The following MAF variants were observed in gnomAD, a reference collection of about 807,000 sequenced individuals.
MAF encodes transcription factor Maf.
Under a neutral mutation model 22.0 loss-of-function variants are expected in MAF, and 10 were observed. That is an observed-to-expected ratio of 0.45 (90% confidence interval 0.28 to 0.77). MAF has a LOEUF of 0.77. MAF is among the 30% of genes least tolerant of loss of function. The pLI, the probability that MAF is intolerant of heterozygous loss-of-function variation, is 0.12. For missense variants in MAF, 544 were observed against 548.4 expected, an observed-to-expected ratio of 0.99 and a Z score of 0.08; for synonymous variants, 337 against 255.8, an observed-to-expected ratio of 1.32 and a Z score of -3.03.
the MAF span, among the ~76,000 whole-genome samples, chr16:79,547,638 T>G: frequency 6.6e-6 from 1 of 152,350 alleles, no homozygotes; most frequent in Non-Finnish European, 1.5e-5. Context: ...CTGGAATTGA[T>G]GTAACCCAAT....
chr16:79,415,875 C>T, the MAF span, among the ~76,000 whole-genome samples: 1 of 151,966 alleles, frequency 6.6e-6, no homozygotes, highest in Non-Finnish European at 1.5e-5. Flanking sequence ...ATCTCAGCTT[C>T]CCTCTTCTCT....
chr16:79,343,025 C>T, the MAF span, among the ~76,000 whole-genome samples: 1 of 152,154 alleles, frequency 6.6e-6, no homozygotes, highest in African/African-American at 2.4e-5. Context: ...AAAAAGTCCT[C>T]TTGACACTAC....
At chr16:79,541,931 C>T in the MAF span, among the ~76,000 whole-genome samples, 3 of 152,098 alleles carry the variant, frequency 2.0e-5, no homozygotes, top group African/African-American at 7.2e-5. Flanking sequence ...GCTGGGATTA[C>T]AGACATGAGC....
chr16:79,364,045 A>G, the MAF span, among the ~76,000 whole-genome samples: 1 of 152,116 alleles, frequency 6.6e-6, no homozygotes, highest in Non-Finnish European at 1.5e-5. Context: ...TCCTTTTTCC[A>G]CCCAGGAGCT....
At chr16:79,304,984 G>T in the MAF span, among the ~76,000 whole-genome samples, 1 of 152,210 alleles carries the variant, frequency 6.6e-6, no homozygotes, top group South Asian at 2.1e-4. Context: ...ATTCAGAATG[G>T]ATGGCACAAT....
the MAF span, among the ~76,000 whole-genome samples, chr16:79,492,762 C>G: frequency 6.6e-6 from 1 of 152,032 alleles, no homozygotes; most frequent in Non-Finnish European, 1.5e-5. Flanking sequence ...GAGAAAGAGG[C>G]CAGACCCAAA....
chr16:79,206,886 T>TAA, the MAF span: 1 of 152,244 alleles, frequency 6.6e-6, no homozygotes, highest in African/African-American at 2.4e-5. Context: ...ATGTGTCCCC[T>TAA]AAAAGATTGC....
chr16:79,355,709 A>G, the MAF span, among the ~76,000 whole-genome samples: 1 of 152,154 alleles, frequency 6.6e-6, no homozygotes, highest in African/African-American at 2.4e-5. Flanking sequence ...TACAAAAAGA[A>G]ATTCCCCTGT....
chr16:79,353,079 AT>A, the MAF span, among the ~76,000 whole-genome samples: 2 of 151,364 alleles, frequency 1.3e-5, no homozygotes, highest in African/African-American at 4.9e-5. Context: ...CTCCAAAATC[AT>A]ACAAAAAAAA....
At chr16:79,533,668 G>C in the MAF span, among the ~76,000 whole-genome samples, 4 of 150,440 alleles carry the variant, frequency 2.7e-5, no homozygotes, top group African/African-American at 1.0e-4. Flanking sequence ...AAGTCTGCTA[G>C]GGGGGAAAAT....
chr16:79,268,497 C>T, the MAF span, among the ~76,000 whole-genome samples: 73 of 152,230 alleles, frequency 4.8e-4, no homozygotes, highest in African/African-American at 1.3e-3. Flanking sequence ...AAGGCTGGAA[C>T]GTAATATAGG....
the MAF span, among the ~76,000 whole-genome samples, chr16:79,285,927 A>G: frequency 6.6e-6 from 1 of 152,210 alleles, no homozygotes; most frequent in African/African-American, 2.4e-5. Context: ...AAGGGGCACC[A>G]TCTCTGCCCC....
chr16:79,434,721 T>G, the MAF span, among the ~76,000 whole-genome samples: 3 of 152,114 alleles, frequency 2.0e-5, no homozygotes, highest in East Asian at 3.9e-4. Flanking sequence ...TCATACATAT[T>G]TTATTTCCTA....
chr16:79,412,681 C>G, the MAF span, among the ~76,000 whole-genome samples: 1 of 152,130 alleles, frequency 6.6e-6, no homozygotes, highest in Non-Finnish European at 1.5e-5. Context: ...AAATGGGGAT[C>G]GCAGTTCCTG....
chr16:79,337,729 G>A, the MAF span, among the ~76,000 whole-genome samples: 8 of 152,204 alleles, frequency 5.3e-5, no homozygotes, highest in African/African-American at 7.2e-5. Flanking sequence ...ACAAGCACAC[G>A]TGTGCACCTT....
At chr16:79,442,104 A>G in the MAF span, among the ~76,000 whole-genome samples, 1 of 152,212 alleles carries the variant, frequency 6.6e-6, no homozygotes, top group African/African-American at 2.4e-5. Context: ...CCCTGCCCAC[A>G]CCTTGATTTC....
At chr16:79,238,745 T>C in the MAF span, among the ~76,000 whole-genome samples, 1 of 152,136 alleles carries the variant, frequency 6.6e-6, no homozygotes, top group Non-Finnish European at 1.5e-5. Flanking sequence ...ATCAGTCATT[T>C]ATTTGAAACT....
chr16:79,395,484 G>T, the MAF span, among the ~76,000 whole-genome samples: 1 of 152,144 alleles, frequency 6.6e-6, no homozygotes, highest in Non-Finnish European at 1.5e-5. Flanking sequence ...AGGAGGGTGG[G>T]TCCTAATCTC....
chr16:79,539,540 A>C, the MAF span, among the ~76,000 whole-genome samples: 2 of 152,334 alleles, frequency 1.3e-5, no homozygotes, highest in African/African-American at 4.8e-5. Flanking sequence ...AAAGAAAAGA[A>C]AGTTTTAAAA....
Sources: gnomAD v4.1 joint callset for allele counts (sites outside exome capture counted in the v4.1 genomes callset) on GRCh38, gnomAD v4.1.1 for gene constraint, MANE v1.5 for transcripts, NCBI Gene and HGNC (gene_info 2026-07-23, HGNC 2026-07-21) for gene names.